The following MAML2 variants were observed in gnomAD, a reference collection of about 807,000 sequenced individuals.
MAML2 encodes mastermind-like protein 2.
MAML2 carries 22 observed loss-of-function variants against 96.1 expected under a neutral mutation model. That is an observed-to-expected ratio of 0.23 (90% CI 0.16 to 0.33). The LOEUF is 0.33. Ranked by LOEUF, MAML2 falls within the 10% of genes least tolerant of loss-of-function variation. The pLI is 1.00. For synonymous variants in MAML2, 561 were observed against 521.3 expected (o/e 1.08, Z -1.04); for missense variants, 1,367 against 1,392.4 (o/e 0.98, Z 0.29).
At chr11:96,320,850 C>T (rs1591131127) in intron 1 of MAML2, among the ~76,000 whole-genome samples, 1 of 152,212 alleles carries the variant, frequency 6.6e-6, no homozygotes. Context: ...AATAAGAAAA[C>T]ATATCATATG....
chr11:96,014,147 C>A (rs1858307642), intron 2 of MAML2, among the ~76,000 whole-genome samples: 2 of 152,138 alleles, frequency 1.3e-5, no homozygotes, highest in South Asian at 4.2e-4. Context: ...CATCTCACAC[C>A]CTGCGAGGGG....
chr11:96,122,486 C>A (rs1381133809), intron 1 of MAML2, among the ~76,000 whole-genome samples: 2 of 128,284 alleles, frequency 1.6e-5, no homozygotes, highest in Non-Finnish European at 3.3e-5. Context: ...AAATACAAAT[C>A]TTTTAGGCTG....
At position 96,092,122 on chromosome 11, in the gene MAML2, A is replaced by C; in HGVS notation, c.1909T>G (p.Ser637Ala). Residue 637 changes from serine (S) to alanine (A), a missense_variant, in exon 2 of 5, where the codon TCA (serine) becomes GCA (alanine). Coordinates refer to ENST00000524717, the MANE Select transcript of MAML2 (RefSeq NM_032427.4). This position sits in a 1 kb window ranked among gnomAD's most constrained non-coding sequence, Gnocchi z 4.1. ...QQQQQQQSSI[S>A]AQQQQQQQQQ... ...TGCTGCTGCTGCTGCTGTTGGGCTG[A>C]AATTGAGCTCTGCTGCTGTTGCTGT... The C allele has an allele frequency of 1.3e-6, 2 of 1,534,080 alleles. No homozygotes were observed. Among genetic ancestry groups the C allele is most frequent in the Non-Finnish European group, 1.8e-6 (2 of 1,141,590 alleles).
At chr11:96,030,326 A>G (rs1858593465) in intron 2 of MAML2, among the ~76,000 whole-genome samples, 1 of 152,132 alleles carries the variant, frequency 6.6e-6, no homozygotes, top group South Asian at 2.1e-4. Context: ...GAATTACTCT[A>G]CCAGGTATGT....
chr11:96,257,405 C>A (rs1003915807), intron 1 of MAML2, among the ~76,000 whole-genome samples: 1 of 152,192 alleles, frequency 6.6e-6, no homozygotes, highest in Admixed American at 6.5e-5. Flanking sequence ...ACAGTGCTGG[C>A]ACAGAATATG....
intron 2 of MAML2, among the ~76,000 whole-genome samples, chr11:96,039,807 A>C (rs528062468): frequency 6.6e-6 from 1 of 152,022 alleles, no homozygotes; most frequent in Non-Finnish European, 1.5e-5. Context: ...AAAATACAAA[A>C]ATTAGCCGGG....
Position 96,071,902 on chromosome 11 carries a change from C to A in MAML2, c.2139+19990G>T, listed in dbSNP as rs150473380. Among the ~76,000 whole-genome samples, 180 of 152,256 alleles carry A rather than the reference C, an allele frequency of 1.2e-3. 1 individual carries two copies. Among genetic ancestry groups the A allele is most frequent in the African/African-American group, 4.2e-3 (173 of 41,534 alleles). On this transcript the variant is annotated intron_variant, in intron 2 of 4. Coordinates refer to ENST00000524717, the MANE Select transcript of MAML2 (RefSeq NM_032427.4). ...TTGGCTGTCTTTGTAGAAAAATCACCCCTTAAGGCAGACTTCTCTAATTGC... is the reference window on the plus strand; with the variant it reads ...TTGGCTGTCTTTGTAGAAAAATCACACCTTAAGGCAGACTTCTCTAATTGC...
chr11:96,341,945 G>C lies in MAML2; in HGVS notation c.-50C>G. The C allele has an allele frequency of 1.4e-6, 2 of 1,451,492 alleles. No homozygotes were observed. The highest frequency in any genetic ancestry group is 1.8e-6 in the Non-Finnish European group (2 of 1,105,576). The allele number at this position is 1,451,492 out of a possible 1,614,324, so 89.9% of individuals were successfully genotyped here. The stretch of plus-strand genomic sequence containing the variant: ...CTCTGGGATGGTGAGGTGGAAAGAG[G>C]CTACTGCTGGCTATTGCAGGCAAGT... On this transcript the variant is annotated 5_prime_UTR_variant, in exon 1 of 5. Coordinates refer to ENST00000524717, the MANE Select transcript of MAML2 (RefSeq NM_032427.4).
At chr11:96,162,484 C>T (rs1262986703) in intron 1 of MAML2, among the ~76,000 whole-genome samples, 1 of 151,714 alleles carries the variant, frequency 6.6e-6, no homozygotes, top group South Asian at 2.1e-4. Context: ...GAGGCTGAGG[C>T]GGGCGGATCA....
At chr11:96,137,282 G>A (rs1464831735) in intron 1 of MAML2, among the ~76,000 whole-genome samples, 1 of 152,196 alleles carries the variant, frequency 6.6e-6, no homozygotes, top group Non-Finnish European at 1.5e-5. Flanking sequence ...TGGTTCTGGG[G>A]AGAAATGAGG....
intron 1 of MAML2, among the ~76,000 whole-genome samples, chr11:96,246,691 C>T (rs1392079112): frequency 6.6e-6 from 1 of 152,132 alleles, no homozygotes; most frequent in East Asian, 1.9e-4. Flanking sequence ...AAACAATGAA[C>T]TGTTCCCACA....
intron 1 of MAML2, among the ~76,000 whole-genome samples, chr11:96,301,396 C>G (rs1288868633): frequency 1.3e-5 from 2 of 152,158 alleles, no homozygotes; most frequent in Non-Finnish European, 2.9e-5. Context: ...ACCCTAAGTA[C>G]CTGGCTTGCC....
At chr11:96,080,030 A>G (rs186970006) in intron 2 of MAML2, among the ~76,000 whole-genome samples, 2 of 152,364 alleles carry the variant, frequency 1.3e-5, no homozygotes, top group African/African-American at 4.8e-5. Flanking sequence ...CACAAATGAA[A>G]GAAAAGTTAG....
At chr11:96,190,250 C>A (rs1267368676) in intron 1 of MAML2, among the ~76,000 whole-genome samples, 1 of 152,180 alleles carries the variant, frequency 6.6e-6, no homozygotes, top group Admixed American at 6.5e-5. Flanking sequence ...GGCATTACCT[C>A]ATTTAATCCA....
At chr11:95,996,392 A>C (rs1183800128) in intron 2 of MAML2, among the ~76,000 whole-genome samples, 1 of 152,146 alleles carries the variant, frequency 6.6e-6, no homozygotes. Flanking sequence ...CTCTCTAATC[A>C]AACAGATAGA....
intron 1 of MAML2, among the ~76,000 whole-genome samples, chr11:96,274,933 T>A (rs548875516): frequency 7.9e-5 from 12 of 151,702 alleles, no homozygotes; most frequent in African/African-American, 2.9e-4. Context: ...TAGATATGTA[T>A]AATTTCACAT....
At chr11:96,155,170 A>G (rs973649587) in intron 1 of MAML2, among the ~76,000 whole-genome samples, 2 of 152,166 alleles carry the variant, frequency 1.3e-5, no homozygotes, top group African/African-American at 4.8e-5. Flanking sequence ...AATGAAGAAC[A>G]GCGAAGTTTC....
intron 1 of MAML2, among the ~76,000 whole-genome samples, chr11:96,194,098 A>G (rs1861696472): frequency 6.6e-6 from 1 of 152,230 alleles, no homozygotes; most frequent in Admixed American, 6.5e-5. Flanking sequence ...TGGCCTCAAA[A>G]TAAGAAACAA....
chr11:96,087,205 G>A (rs778337646), intron 2 of MAML2, among the ~76,000 whole-genome samples: 12 of 152,036 alleles, frequency 7.9e-5, no homozygotes, highest in Admixed American at 3.3e-4. Flanking sequence ...ACAGAATAAC[G>A]ACAGAAGAAC....
Sources: gnomAD v4.1 joint callset for allele counts (sites outside exome capture counted in the v4.1 genomes callset) on GRCh38, gnomAD v4.1.1 for gene constraint, Gnocchi (gnomAD v3.1) non-coding constraint, MANE v1.5 for transcripts, NCBI Gene and HGNC (gene_info 2026-07-23, HGNC 2026-07-21) for gene names.